The following KHDRBS2 variants were observed in gnomAD, a reference collection of about 807,000 sequenced individuals.
KHDRBS2 encodes KH RNA binding domain containing, signal transduction associated 2.
In KHDRBS2, 26 loss-of-function variants were observed where a neutral mutation model predicts 44.3. That is an observed-to-expected ratio of 0.59 (90% confidence interval 0.43 to 0.81). The LOEUF (loss-of-function observed/expected upper bound fraction) is 0.81. Ranked by LOEUF, KHDRBS2 falls within the 40% of genes least tolerant of loss-of-function variation. KHDRBS2 has a pLI of 0.00. For synonymous variants in KHDRBS2, 194 were observed against 151.1 expected, an observed-to-expected ratio of 1.28 and a Z score of -2.08; for missense variants, 476 against 433.1, an observed-to-expected ratio of 1.10 and a Z score of -0.88.
At chr6:61,749,535 C>G (rs992201448) in intron 6 of KHDRBS2, among the ~76,000 whole-genome samples, 13 of 152,250 alleles carry the variant, frequency 8.5e-5, no homozygotes, top group African/African-American at 2.9e-4. Flanking sequence ...TGAATCTGCT[C>G]TTCATTTCTC....
the KHDRBS2 span, among the ~76,000 whole-genome samples, chr6:61,643,650 T>C: frequency 1.3e-5 from 2 of 152,022 alleles, no homozygotes; most frequent in African/African-American, 4.8e-5. Context: ...TCAATTCCTA[T>C]ACACCCTAAG....
At chr6:62,106,310 C>T (rs1168932407) in intron 2 of KHDRBS2, among the ~76,000 whole-genome samples, 3 of 152,078 alleles carry the variant, frequency 2.0e-5, no homozygotes, top group Admixed American at 2.0e-4. Context: ...TGGTGCAGAG[C>T]TGAGTTCAAT....
the KHDRBS2 span, among the ~76,000 whole-genome samples, chr6:61,634,923 C>A: frequency 8.3e-4 from 126 of 152,028 alleles, no homozygotes; most frequent in African/African-American, 3.0e-3. Flanking sequence ...AAGTTCCTTC[C>A]AATTATTATC....
At chr6:61,752,348 TG>T (rs1163369237) in intron 6 of KHDRBS2, among the ~76,000 whole-genome samples, 1 of 152,168 alleles carries the variant, frequency 6.6e-6, no homozygotes, top group Non-Finnish European at 1.5e-5. Context: ...TTTAGCAACA[TG>T]CTCAAGATCT....
chr6:62,143,717 G>A (rs1201644342), intron 2 of KHDRBS2, among the ~76,000 whole-genome samples: 3 of 151,596 alleles, frequency 2.0e-5, no homozygotes, highest in African/African-American at 4.8e-5. Context: ...ATTTCAGAAT[G>A]TTAGACTTAG....
At chr6:61,902,671 C>T (rs1022365884) in intron 4 of KHDRBS2, among the ~76,000 whole-genome samples, 5 of 152,010 alleles carry the variant, frequency 3.3e-5, no homozygotes, top group African/African-American at 1.2e-4. Context: ...GAGAGGGGTC[C>T]AGGAGTTAAC....
intron 3 of KHDRBS2, among the ~76,000 whole-genome samples, chr6:62,030,291 A>G (rs546756774): frequency 2.6e-4 from 39 of 152,220 alleles, no homozygotes; most frequent in African/African-American, 9.4e-4. Flanking sequence ...ATAATTTTCT[A>G]AAGTATCAGC....
At chr6:62,082,800 C>G (rs769405480) in intron 2 of KHDRBS2, among the ~76,000 whole-genome samples, 1 of 152,130 alleles carries the variant, frequency 6.6e-6, no homozygotes, top group Admixed American at 6.6e-5. Context: ...AGCTTTCACG[C>G]TTTTGGAATC....
At chr6:61,793,588 T>G (rs540901287) in intron 6 of KHDRBS2, among the ~76,000 whole-genome samples, 1 of 152,226 alleles carries the variant, frequency 6.6e-6, no homozygotes, top group South Asian at 2.1e-4. Context: ...ATAAATCAAC[T>G]AAATACTGAA....
chr6:61,879,101 T>A (rs2127314596), intron 6 of KHDRBS2, among the ~76,000 whole-genome samples: 1 of 152,106 alleles, frequency 6.6e-6, no homozygotes, highest in South Asian at 2.1e-4. Flanking sequence ...TTGCTGCCCT[T>A]CTGCCAAATT....
At chr6:61,812,500 T>C (rs531947434) in intron 6 of KHDRBS2, among the ~76,000 whole-genome samples, 142 of 152,080 alleles carry the variant, frequency 9.3e-4, no homozygotes, top group African/African-American at 3.0e-3. Context: ...ATTAAATAAG[T>C]GAACCAAAGT....
the KHDRBS2 span, among the ~76,000 whole-genome samples, chr6:61,560,256 G>T: frequency 6.6e-6 from 1 of 152,140 alleles, no homozygotes; most frequent in East Asian, 1.9e-4. Context: ...TTGACCTTTA[G>T]AAGATTAATA....
rs147865773 is a variant in KHDRBS2 at position 62,169,678 on chromosome 6, A to T, written c.219+7507T>A. 2.5e-3 allele frequency among the ~76,000 whole-genome samples: 381 copies of T among 152,112 alleles called. 3 individuals are homozygous for T. Among genetic ancestry groups the T allele is most frequent in the African/African-American group, 8.4e-3 (349 of 41,508 alleles). On this transcript the variant is annotated intron_variant, in intron 2 of 8. Transcript: ENST00000281156. ...GGAGATTCACACTCTCTTGACAGGG[A>T]CCTGTGCAAGACTAGGGATGGGAAA...
At chr6:61,588,916 G>T in the KHDRBS2 span, among the ~76,000 whole-genome samples, 2 of 152,104 alleles carry the variant, frequency 1.3e-5, no homozygotes, top group Admixed American at 6.6e-5. Flanking sequence ...TCCTTCACAG[G>T]AACATGGATG....
intron 6 of KHDRBS2, among the ~76,000 whole-genome samples, chr6:61,742,616 G>C (rs146984144): frequency 1.3e-5 from 2 of 151,838 alleles, no homozygotes; most frequent in Non-Finnish European, 2.9e-5. Flanking sequence ...CCCACTGAAA[G>C]CATGACTAGA....
At chr6:61,815,734 C>T (rs1303856294) in intron 6 of KHDRBS2, among the ~76,000 whole-genome samples, 1 of 152,140 alleles carries the variant, frequency 6.6e-6, no homozygotes, top group Non-Finnish European at 1.5e-5. Flanking sequence ...TTAATATACT[C>T]AACCAAGCAA....
chr6:62,201,101 GGA>G (rs1826887205), intron 1 of KHDRBS2, among the ~76,000 whole-genome samples: 1 of 152,100 alleles, frequency 6.6e-6, no homozygotes, highest in African/African-American at 2.4e-5. Context: ...AGGGGAGCAG[GGA>G]GAGATAGCAT....
the KHDRBS2 span, among the ~76,000 whole-genome samples, chr6:61,568,389 G>A: frequency 0.013 from 1,918 of 152,230 alleles, 44 homozygotes; most frequent in African/African-American, 0.044. Flanking sequence ...ACACTGGTGA[G>A]AGGGTGTGTT....
intron 6 of KHDRBS2, among the ~76,000 whole-genome samples, chr6:61,787,794 T>C (rs1346209604): frequency 2.6e-5 from 4 of 151,720 alleles, no homozygotes; most frequent in Non-Finnish European, 5.9e-5. Context: ...GACAGTGTAA[T>C]GTTACTTTTA....
Sources: allele counts gnomAD v4.1 joint callset (sites outside exome capture counted in the v4.1 genomes callset), GRCh38; gene constraint gnomAD v4.1.1; transcripts MANE v1.5; gene names NCBI Gene and HGNC (gene_info 2026-07-23, HGNC 2026-07-21).